The following SYTL5 variants were observed in gnomAD, a reference collection of about 807,000 sequenced individuals.
SYTL5 encodes the protein synaptotagmin like 5.
Under a neutral mutation model 55.9 loss-of-function variants are expected in SYTL5, and 34 were observed. The ratio of observed to expected loss-of-function variants is 0.61; its 90% CI spans 0.46 to 0.81. The LOEUF (loss-of-function observed/expected upper bound fraction) is 0.81, where lower values mean the gene tolerates loss of function less well. Ranked by LOEUF, SYTL5 falls within the 30% of genes least tolerant of loss-of-function variation. The probability of loss-of-function intolerance (pLI) is 0.00; values close to 1 mark genes in which losing one functional copy is unlikely to be tolerated. For synonymous variants in SYTL5, 221 were observed against 188.7 expected (o/e 1.17, Z -1.40); for missense variants, 637 against 546.7 (o/e 1.17, Z -1.65).
intron 1 of SYTL5, among the ~76,000 whole-genome samples, chrX:38,008,610 T>G (rs1569153944): frequency 9.0e-6 from 1 of 111,667 alleles, no homozygotes; most frequent in African/African-American, 3.2e-5. Flanking sequence ...GATAAAAAAT[T>G]CACTTGATCT....
chrX:38,103,666 A>G (rs986920649), intron 10 of SYTL5, among the ~76,000 whole-genome samples: 3 of 110,989 alleles, frequency 2.7e-5, no homozygotes, highest in Admixed American at 9.6e-5. Context: ...CTCATTTGTA[A>G]CATGAGTAGG....
chrX:38,107,642 G>C (rs143317543), intron 11 of SYTL5, among the ~76,000 whole-genome samples: 20 of 111,719 alleles, frequency 1.8e-4, no homozygotes, highest in African/African-American at 5.8e-4. Flanking sequence ...GGCCAAATTT[G>C]TAAGCAGGCA....
chrX:38,004,918 A>C (rs1170643096), upstream of SYTL5, among the ~76,000 whole-genome samples: 2 of 111,702 alleles, frequency 1.8e-5, no homozygotes, highest in Admixed American at 9.5e-5. Flanking sequence ...AAAATAATGA[A>C]GACAGTATGA....
At chrX:37,991,038 C>T in the SYTL5 span, 79 of 1,211,653 alleles carry the variant, frequency 6.5e-5, no homozygotes, top group Middle Eastern at 9.2e-4. Flanking sequence ...CATCATGGAG[C>T]GGGTAGGCTT....
the SYTL5 span, among the ~76,000 whole-genome samples, chrX:37,924,671 C>T: frequency 9.0e-6 from 1 of 110,833 alleles, no homozygotes; most frequent in Non-Finnish European, 1.9e-5. Flanking sequence ...TTCATTTTTC[C>T]CTACCACATA....
the SYTL5 span, chrX:37,991,464 TG>T: frequency 1.5e-5 from 6 of 403,602 alleles, no homozygotes; most frequent in Non-Finnish European, 2.5e-5. Context: ...CAGTTTCCAA[TG>T]GTGACAGTGA....
At chrX:37,906,590 AG>A in the SYTL5 span, 1 of 111,823 alleles carries the variant, frequency 8.9e-6, no homozygotes, top group African/African-American at 3.3e-5. Flanking sequence ...TCTCCAGCCC[AG>A]GACATGCCAG....
rs1392057668 is a variant in SYTL5, at chrX:38,127,774, T to G, written c.*1044T>G. 1 of 112,326 alleles carries G rather than the reference T, an allele frequency of 8.9e-6. No homozygotes were observed. Among genetic ancestry groups the G allele is most frequent in the African/African-American group, 3.2e-5 (1 of 30,890 alleles). 9.3% of individuals were successfully genotyped at this position (112,326 alleles called of 1,213,427 possible). ...TCCTTTTTCTCACAGTTATGAAGAT[T>G]GGCTATGGCACCTCTGCTTCCTGCT... On this transcript the variant is annotated 3_prime_UTR_variant, in exon 17 of 17. Transcript: ENST00000297875.
Position 38,102,424 on chromosome X carries a change from G to T in SYTL5, c.1145G>T (p.Gly382Val), listed in dbSNP as rs1182359618. 1 of 1,195,102 alleles carries T rather than the reference G, an allele frequency of 8.4e-7. No homozygotes were observed. ...LSTNTHRLAS[G>V]LSTTSLNSMM... ...ACAAACACTCACCGTCTGGCAAGTG[G>T]CCTATCAACTGTAAGCAGTTCACTA... Residue 382 changes from glycine to valine, a missense_variant, in exon 10 of 17, where the codon GGC (glycine) becomes GTC (valine). By Grantham distance (109) the Gly-to-Val change is moderately radical. Coordinates refer to ENST00000297875, the MANE Select transcript of SYTL5 (RefSeq NM_138780.3).
the SYTL5 span, among the ~76,000 whole-genome samples, chrX:37,897,227 A>C: frequency 9.0e-6 from 1 of 110,499 alleles, no homozygotes; most frequent in Non-Finnish European, 1.9e-5. Context: ...GCTCATGTCC[A>C]TAATCCCAGC....
At chrX:37,897,534 T>C in the SYTL5 span, among the ~76,000 whole-genome samples, 3 of 108,007 alleles carry the variant, frequency 2.8e-5, no homozygotes, top group East Asian at 8.7e-4. Context: ...AGGGGCCAAA[T>C]ACATGTCTCA....
the SYTL5 span, among the ~76,000 whole-genome samples, chrX:37,976,383 A>C: frequency 8.9e-6 from 1 of 111,923 alleles, no homozygotes; most frequent in Admixed American, 9.4e-5. Context: ...AATGAGACAC[A>C]TGAGTCATTT....
intron 3 of SYTL5, among the ~76,000 whole-genome samples, chrX:38,056,866 T>C (rs1569171202): frequency 8.9e-6 from 1 of 111,901 alleles, no homozygotes; most frequent in African/African-American, 3.2e-5. Context: ...AAGCTCCTTA[T>C]ATATTCTGAT....
At chrX:38,124,836 G>T (rs1342780663) in intron 15 of SYTL5, among the ~76,000 whole-genome samples, 1 of 111,516 alleles carries the variant, frequency 9.0e-6, no homozygotes, top group Non-Finnish European at 1.9e-5. Flanking sequence ...TGCCCCAGGG[G>T]TATTAAATTC....
chrX:37,953,515 ACT>A, the SYTL5 span, among the ~76,000 whole-genome samples: 2 of 110,146 alleles, frequency 1.8e-5, no homozygotes, highest in Non-Finnish European at 3.8e-5. Context: ...TTTCCCTCAG[ACT>A]CTCTGTTTTT....
intron 1 of SYTL5, among the ~76,000 whole-genome samples, chrX:38,029,559 A>G (rs929709236): frequency 2.7e-5 from 3 of 111,698 alleles, no homozygotes; most frequent in African/African-American, 9.8e-5. Flanking sequence ...CATGGCTAAC[A>G]TCACATGTCC....
chrX:38,083,835 A>AAT (rs10692415), intron 6 of SYTL5, among the ~76,000 whole-genome samples: 21,268 of 98,945 alleles, frequency 0.21, 2,411 homozygotes, highest in African/African-American at 0.36. Context: ...CTGTGGTGTT[A>AAT]ATATATATAT....
chrX:37,973,984 T>A, the SYTL5 span, among the ~76,000 whole-genome samples: 87 of 111,723 alleles, frequency 7.8e-4, 1 homozygote, highest in African/African-American at 2.7e-3. Flanking sequence ...TTCACTTATA[T>A]GTAGAATCTA....
the SYTL5 span, among the ~76,000 whole-genome samples, chrX:37,959,966 A>G: frequency 1.8e-5 from 2 of 111,545 alleles, no homozygotes; most frequent in African/African-American, 3.3e-5. Flanking sequence ...GATGCTGCCA[A>G]AGTTTATGTC....
Sources: allele counts gnomAD v4.1 joint callset (sites outside exome capture counted in the v4.1 genomes callset), GRCh38; gene constraint gnomAD v4.1.1; transcripts MANE v1.5; gene names NCBI Gene and HGNC (gene_info 2026-07-23, HGNC 2026-07-21).